TNRC6B: variants seen among roughly 807,000 people sequenced by gnomAD.
The protein encoded by TNRC6B is trinucleotide repeat containing adaptor 6B, also known as trinucleotide repeat-containing gene 6B protein.
Under a neutral mutation model 203.6 loss-of-function variants are expected in TNRC6B, and 52 were observed. The observed-to-expected ratio is 0.26, with a 90% CI of 0.20 to 0.32. The LOEUF (loss-of-function observed/expected upper bound fraction) is 0.32. Among genes scored for constraint, TNRC6B ranks in the 10% least tolerant of loss-of-function variants. TNRC6B has a pLI of 1.00. For missense variants in TNRC6B, 1,923 were observed against 2,286.2 expected (o/e 0.84, Z 3.24); for synonymous variants, 838 against 845.7 (o/e 0.99, Z 0.16).
At chr22:40,207,276 C>T (rs1311537101) in intron 1 of TNRC6B, among the ~76,000 whole-genome samples, 1 of 151,960 alleles carries the variant, frequency 6.6e-6, no homozygotes, top group East Asian at 1.9e-4. Flanking sequence ...GGCGCTGTGG[C>T]TCACGCCTAT....
At chr22:40,071,611 C>T (rs1199491465) in intron 1 of TNRC6B, among the ~76,000 whole-genome samples, 3 of 152,182 alleles carry the variant, frequency 2.0e-5, no homozygotes, top group East Asian at 1.9e-4. Flanking sequence ...TGCCCTACTG[C>T]GCCCCTCACT....
chr22:40,307,393 G>A (rs989743762), intron 15 of TNRC6B, among the ~76,000 whole-genome samples: 12 of 152,276 alleles, frequency 7.9e-5, no homozygotes, highest in Admixed American at 2.6e-4. Context: ...GCCTGCGCTC[G>A]TGCTGCCGCT....
At chr22:40,149,262 A>G (rs2068723741) in intron 3 of TNRC6B, among the ~76,000 whole-genome samples, 1 of 152,206 alleles carries the variant, frequency 6.6e-6, no homozygotes, top group Non-Finnish European at 1.5e-5. Flanking sequence ...CCAGACAGAA[A>G]AAGAGTACAT....
chr22:40,084,148 A>G (rs973908873), intron 1 of TNRC6B, among the ~76,000 whole-genome samples: 6 of 152,198 alleles, frequency 3.9e-5, no homozygotes, highest in Non-Finnish European at 5.9e-5. Flanking sequence ...TCTTGCAAGT[A>G]AGTGATTATA....
chr22:40,201,806 CTT>C (rs1405910599), intron 1 of TNRC6B, among the ~76,000 whole-genome samples: 1 of 152,016 alleles, frequency 6.6e-6, no homozygotes, highest in Admixed American at 6.6e-5. Flanking sequence ...AAATCTGAAA[CTT>C]TTTGAGCACC....
intron 1 of TNRC6B, among the ~76,000 whole-genome samples, chr22:40,224,481 CT>C (rs566492257): frequency 1.4e-4 from 22 of 152,164 alleles, no homozygotes; most frequent in Admixed American, 1.1e-3. Context: ...ATTATGAAAC[CT>C]AGCTCTTTGA....
At chr22:40,238,424 T>C (rs2069978343) in intron 1 of TNRC6B, among the ~76,000 whole-genome samples, 1 of 152,212 alleles carries the variant, frequency 6.6e-6, no homozygotes, top group Non-Finnish European at 1.5e-5. Flanking sequence ...CCAGAAAATA[T>C]GTGCTGGTTA....
chr22:40,156,876 C>T (rs1201855520), intron 4 of TNRC6B, among the ~76,000 whole-genome samples: 2 of 151,236 alleles, frequency 1.3e-5, no homozygotes, highest in Non-Finnish European at 2.9e-5. Flanking sequence ...TCTCCTTCCT[C>T]AGCCTCCTAA....
chr22:40,261,388 T>G (rs758158928), intron 3 of TNRC6B, among the ~76,000 whole-genome samples: 4 of 151,866 alleles, frequency 2.6e-5, no homozygotes, highest in Non-Finnish European at 5.9e-5. Flanking sequence ...ACCAGCCTGG[T>G]CAACATAGTG....
chr22:40,056,875 A>G (rs2067801369), intron 1 of TNRC6B, among the ~76,000 whole-genome samples: 1 of 152,142 alleles, frequency 6.6e-6, no homozygotes, highest in Non-Finnish European at 1.5e-5. Flanking sequence ...AGAAAGAAAA[A>G]TGGAAGTTGC....
rs74779168 is a variant in TNRC6B at position 40,073,164 on chromosome 22, T to C, written c.-121+28166T>C. Reference sequence around the variant, plus strand: ...TGGTTTTTTTTTTTTTTTTTTTTTTTCCAATCCTTATATTTAGAGCCATAT... The same window carrying C: ...TGGTTTTTTTTTTTTTTTTTTTTTTCCCAATCCTTATATTTAGAGCCATAT... On this transcript the variant is annotated intron_variant, in intron 1 of 23. Transcript: ENST00000301923. 2.5e-3 allele frequency among the ~76,000 whole-genome samples: 369 copies of C among 147,152 alleles called. 1 individual carries two copies. The highest frequency in any genetic ancestry group is 9.3e-3 in the African/African-American group (353 of 38,002).
intron 1 of TNRC6B, among the ~76,000 whole-genome samples, chr22:40,181,011 C>T (rs1027182151): frequency 6.6e-6 from 1 of 152,098 alleles, no homozygotes; most frequent in Non-Finnish European, 1.5e-5. Context: ...AAATTGGTAG[C>T]GTTCATCAGA....
At position 40,261,824 on chromosome 22, in the gene TNRC6B, T is replaced by C. The variant is rs2070388741; in HGVS notation, c.116-8T>C. On this transcript the variant is annotated splice_region_variant and splice_polypyrimidine_tract_variant and intron_variant, in intron 3 of 22. Coordinates refer to ENST00000454349, the MANE Select transcript of TNRC6B (RefSeq NM_001162501.2). The stretch of plus-strand genomic sequence containing the variant: ...TTCAAAGACTGTTTCCCAACCCCTC[T>C]CTTTTAGTGCCCGAAGTGACGAAAC... 6.5e-7 allele frequency: 1 copy of C among 1,538,568 alleles called. No individual in the cohort carries two copies.
At chr22:40,155,911 T>TA (rs1402482501) in intron 3 of TNRC6B, among the ~76,000 whole-genome samples, 4 of 152,214 alleles carry the variant, frequency 2.6e-5, no homozygotes, top group African/African-American at 9.6e-5. Flanking sequence ...TTGTCAGAGT[T>TA]ATGTGTTTTG....
intron 12 of TNRC6B, among the ~76,000 whole-genome samples, chr22:40,289,632 C>T (rs994681759): frequency 6.6e-6 from 1 of 152,148 alleles, no homozygotes; most frequent in African/African-American, 2.4e-5. Flanking sequence ...ACGAGTTCCT[C>T]CTCAAGTTCT....
upstream of TNRC6B, among the ~76,000 whole-genome samples, chr22:40,173,795 T>TATATATATA (rs869193557): frequency 1.9e-4 from 7 of 36,796 alleles, no homozygotes; most frequent in African/African-American, 4.8e-4. Context: ...ATATATATAT[T>TATATATATA]TTTTTTTTTT....
chr22:40,291,010 G>A (rs2070863004), intron 12 of TNRC6B, among the ~76,000 whole-genome samples: 1 of 152,074 alleles, frequency 6.6e-6, no homozygotes, highest in South Asian at 2.1e-4. Flanking sequence ...TGCATACTGG[G>A]AGCAGAATAT....
chr22:40,146,332 A>C (rs2068695052), intron 3 of TNRC6B, among the ~76,000 whole-genome samples: 1 of 152,130 alleles, frequency 6.6e-6, no homozygotes, highest in African/African-American at 2.4e-5. Flanking sequence ...TGGATCAAAG[A>C]GATGGCCCTA....
chr22:40,093,261 A>T (rs2068163111), intron 1 of TNRC6B, among the ~76,000 whole-genome samples: 1 of 152,254 alleles, frequency 6.6e-6, no homozygotes. Context: ...AAAGCTAAAG[A>T]AATTGTCCAC....
Sources: allele counts gnomAD v4.1 joint callset (sites outside exome capture counted in the v4.1 genomes callset), GRCh38; gene constraint gnomAD v4.1.1; transcripts MANE v1.5; gene names NCBI Gene and HGNC (gene_info 2026-07-23, HGNC 2026-07-21).